The following DOCK10 variants were observed in gnomAD, a reference collection of about 807,000 sequenced individuals.
DOCK10 encodes dedicator of cytokinesis 10, also known as dedicator of cytokinesis protein 10.
In DOCK10, 145 loss-of-function variants were observed where a neutral mutation model predicts 280.1. The observed-to-expected ratio is 0.52, with a 90% CI of 0.45 to 0.59. The LOEUF is 0.59. DOCK10 is among the 20% of genes least tolerant of loss of function. The probability of loss-of-function intolerance (pLI) is 0.00; values close to 1 mark genes in which losing one functional copy is unlikely to be tolerated. For missense variants in DOCK10, 2,368 were observed against 2,651.7 expected (o/e 0.89, Z 2.35); for synonymous variants, 915 against 942.2 (o/e 0.97, Z 0.53).
intron 1 of DOCK10, among the ~76,000 whole-genome samples, chr2:225,000,132 T>A (rs892737407): frequency 6.6e-6 from 1 of 152,066 alleles, no homozygotes; most frequent in African/African-American, 2.4e-5. Flanking sequence ...TGATGAGTCT[T>A]CCGAAGCCAC....
intron 4 of DOCK10, among the ~76,000 whole-genome samples, chr2:224,888,318 C>T (rs546781873): frequency 3.7e-4 from 54 of 144,152 alleles, no homozygotes; most frequent in African/African-American, 9.5e-4. Flanking sequence ...TATGTGTGTG[C>T]GTGTGCGTGT....
At chr2:224,874,812 G>T in intron 8 of DOCK10, 61 bp from the exon 9 acceptor site, 1 of 1,465,668 alleles carries the variant, frequency 6.8e-7, no homozygotes, top group Non-Finnish European at 9.5e-7. Flanking sequence ...CATTCTTCTA[G>T]CCTGTGACAT....
chr2:224,853,078 T>A lies in DOCK10; in HGVS notation c.1933A>T (p.Met645Leu). Residue 645 changes from methionine (M) to leucine (L), a missense_variant, in exon 17 of 56, where the codon ATG (methionine) becomes TTG (leucine). Met to Leu is a conservative substitution (Grantham distance 15). This residue lies in a region of DOCK10 where 1,209 missense variants were observed against 1,250.9 expected (regional missense o/e 0.97). Coordinates refer to ENST00000258390, the MANE Select transcript of DOCK10 (RefSeq NM_014689.3). ...SFIPVKPFNM[M>L]AQTEPTVEVE... is the part of the protein sequence containing the mutation. ...TCCACTGTGGGTTCTGTTTGAGCCA[T>A]CATGTTGAAAGGCTTGACAGGGATA... The A allele has an allele frequency of 6.2e-7, 1 of 1,608,624 alleles. No homozygotes were observed. Among genetic ancestry groups the A allele is most frequent in the Non-Finnish European group, 8.5e-7 (1 of 1,176,480 alleles).
chr2:224,982,587 G>C (rs564765731), intron 1 of DOCK10: 2 of 883,786 alleles, frequency 2.3e-6, no homozygotes, highest in African/African-American at 3.6e-5. Flanking sequence ...GAATATTAGA[G>C]CACTGCGCTC....
intron 16 of DOCK10, 109 bp downstream of exon 16, chr2:224,854,854 G>GCCAACCAACCAACCAA (rs72305904): frequency 7.9e-6 from 5 of 631,006 alleles, no homozygotes; most frequent in African/African-American, 7.9e-5. Flanking sequence ...CAACCAACTA[G>GCCAACCAACCAACCAA]CCAACCAACC....
At chr2:225,006,678 T>G (rs1373557833) in intron 1 of DOCK10, among the ~76,000 whole-genome samples, 3 of 152,226 alleles carry the variant, frequency 2.0e-5, no homozygotes, top group African/African-American at 7.2e-5. Flanking sequence ...TTTGTATTGA[T>G]GGTTTCAATC....
intron 3 of DOCK10, among the ~76,000 whole-genome samples, chr2:224,906,703 T>A (rs1266337275): frequency 1.3e-5 from 2 of 152,214 alleles, no homozygotes; most frequent in Non-Finnish European, 2.9e-5. Context: ...ATGGTCTTGA[T>A]CTCCTGACCT....
intron 26 of DOCK10, among the ~76,000 whole-genome samples, chr2:224,831,116 G>A (rs886809425): frequency 3.3e-5 from 5 of 151,696 alleles, no homozygotes; most frequent in South Asian, 2.1e-4. Context: ...GTGTTTTTTC[G>A]TAGAGACAGG....
intron 33 of DOCK10, 86 bp from the exon 34 acceptor site, chr2:224,806,323 A>G: frequency 1.5e-6 from 1 of 646,688 alleles, no homozygotes; most frequent in Non-Finnish European, 2.5e-6. Flanking sequence ...TTACACTTCC[A>G]ATTAAGTGAT....
chr2:224,822,623 G>A (rs1159389621), intron 28 of DOCK10, among the ~76,000 whole-genome samples: 1 of 152,056 alleles, frequency 6.6e-6, no homozygotes, highest in African/African-American at 2.4e-5. Flanking sequence ...GAGGTGGGAG[G>A]ATCGCCTGAG....
chr2:224,818,629 A>T (rs1051434297), intron 29 of DOCK10, among the ~76,000 whole-genome samples: 1 of 151,840 alleles, frequency 6.6e-6, no homozygotes, highest in Non-Finnish European at 1.5e-5. Context: ...CGATTTCCTG[A>T]CCTCGTGATC....
chr2:224,795,160 A>G, intron 44 of DOCK10, 66 bp from the exon 45 acceptor site: 1 of 1,436,044 alleles, frequency 7.0e-7, no homozygotes, highest in Non-Finnish European at 9.7e-7. Flanking sequence ...ACTTTAAGTT[A>G]TGCTATTAAT....
At chr2:225,032,077 A>G (rs1375832366) in intron 1 of DOCK10, among the ~76,000 whole-genome samples, 2 of 152,214 alleles carry the variant, frequency 1.3e-5, no homozygotes, top group African/African-American at 4.8e-5. Context: ...ATCTTAATCA[A>G]TAATCATCTT....
At chr2:225,033,224 C>A (rs1179924717) in intron 1 of DOCK10, among the ~76,000 whole-genome samples, 1 of 151,650 alleles carries the variant, frequency 6.6e-6, no homozygotes, top group Non-Finnish European at 1.5e-5. Flanking sequence ...ACTCTGTCAT[C>A]CAGGCTGGAG....
Position 224,978,488 on chromosome 2 carries a change from A to G in DOCK10, c.124-46820T>C, listed in dbSNP as rs950308581. 3.9e-5 allele frequency among the ~76,000 whole-genome samples: 6 copies of G among 152,176 alleles called. No individual in the cohort carries two copies. The East Asian group carries it at 7.7e-4, about 20-fold the overall frequency. ...TTTGAGGGTCAAGGTCAAAGCAAGG[A>G]GAACATTAATTAGGAAGCGATTGCT... On this transcript the variant is annotated intron_variant, in intron 1 of 55. Coordinates refer to ENST00000258390, the MANE Select transcript of DOCK10 (RefSeq NM_014689.3).
intron 1 of DOCK10, among the ~76,000 whole-genome samples, chr2:225,013,182 G>A (rs1689491302): frequency 6.6e-6 from 1 of 152,070 alleles, no homozygotes; most frequent in African/African-American, 2.4e-5. Context: ...TTCACATCAG[G>A]GAGATTGCAC....
intron 14 of DOCK10, among the ~76,000 whole-genome samples, chr2:224,860,349 A>G (rs1697419048): frequency 2.6e-5 from 4 of 152,208 alleles, no homozygotes. Context: ...TGAGATAGAT[A>G]TGATCTCTGC....
chr2:224,844,700 T>C, intron 22 of DOCK10, 53 bp downstream of exon 22: 1 of 1,149,548 alleles, frequency 8.7e-7, no homozygotes, highest in Non-Finnish European at 1.3e-6. Flanking sequence ...GGGAATTACC[T>C]CATGATGCTG....
At chr2:225,035,646 C>A (rs1690239966) in intron 1 of DOCK10, among the ~76,000 whole-genome samples, 1 of 122,016 alleles carries the variant, frequency 8.2e-6, no homozygotes, top group Non-Finnish European at 1.6e-5. Context: ...CCATAATAAC[C>A]AAAGAATCAG....
Sources: allele counts gnomAD v4.1 joint callset (sites outside exome capture counted in the v4.1 genomes callset), GRCh38; gene constraint gnomAD v4.1.1; regional missense constraint gnomAD v4.1.1; transcripts MANE v1.5; gene names NCBI Gene and HGNC (gene_info 2026-07-23, HGNC 2026-07-21).